Variants in ST3GAL3 observed in about 807,000 individuals in gnomAD.
ST3GAL3 encodes CMP-N-acetylneuraminate-beta-1,4-galactoside alpha-2,3-sialyltransferase.
In ST3GAL3, 21 loss-of-function variants were observed where a neutral mutation model predicts 50.1. The ratio of observed to expected loss-of-function variants is 0.42; its 90% CI spans 0.30 to 0.60. ST3GAL3 has a LOEUF of 0.60. ST3GAL3 is among the 20% of genes least tolerant of loss of function. The pLI is 0.19. For synonymous variants in ST3GAL3, 183 were observed against 190.0 expected, an observed-to-expected ratio of 0.96 and a Z score of 0.30; for missense variants, 353 against 489.4, an observed-to-expected ratio of 0.72 and a Z score of 2.63.
intron 5 of ST3GAL3, among the ~76,000 whole-genome samples, chr1:43,861,073 A>G (rs577151018): frequency 6.6e-6 from 1 of 152,258 alleles, no homozygotes; most frequent in Non-Finnish European, 1.5e-5. Flanking sequence ...ATGCTTTCTC[A>G]GCAAAGATGG....
At chr1:43,846,528 G>T (rs946865966) in intron 5 of ST3GAL3, among the ~76,000 whole-genome samples, 8 of 152,186 alleles carry the variant, frequency 5.3e-5, no homozygotes, top group African/African-American at 1.7e-4. Context: ...GAAGGAGCAT[G>T]TTTATATTTG....
chr1:43,733,666 T>A lies in ST3GAL3; in HGVS notation c.-30-2567T>A, dbSNP rs548530765. Among the ~76,000 whole-genome samples, 12 of 152,358 alleles carry A rather than the reference T, an allele frequency of 7.9e-5. No individual in the cohort carries two copies. The East Asian group carries it at 2.1e-3, about 27-fold the overall frequency. ...ATTCTCATCCCATTATTTTTCATTT[T>A]AAGAAATTTCTTGGCCCTTCTTGGG... On this transcript the variant is annotated intron_variant, in intron 1 of 11. Coordinates refer to ENST00000347631, the MANE Select transcript of ST3GAL3 (RefSeq NM_006279.5).
intron 4 of ST3GAL3, among the ~76,000 whole-genome samples, chr1:43,819,425 G>A (rs1359460547): frequency 6.6e-6 from 1 of 152,120 alleles, no homozygotes; most frequent in Non-Finnish European, 1.5e-5. Flanking sequence ...CATAAAATAT[G>A]CTCTTTGATT....
chr1:43,771,636 C>T lies in ST3GAL3; in HGVS notation c.119-20466C>T, dbSNP rs542654673. On this transcript the variant is annotated intron_variant, in intron 2 of 11. Transcript: ENST00000347631. ...CCTCCCAAAGTACTGGGATTACAGG[C>T]GTGAGCCACCGCGCCCGGCTGGGTG... is the stretch of plus-strand genomic sequence containing the variant. Among the ~76,000 whole-genome samples, 7 of 152,186 alleles carry T rather than the reference C, an allele frequency of 4.6e-5. No homozygotes were observed. In the East Asian group the frequency reaches 7.7e-4, roughly 17 times the overall value.
At chr1:43,836,092 G>C (rs2064285144) in intron 4 of ST3GAL3, among the ~76,000 whole-genome samples, 1 of 152,164 alleles carries the variant, frequency 6.6e-6, no homozygotes, top group African/African-American at 2.4e-5. Context: ...TAGGCCTTGT[G>C]TGTAAATTAA....
At chr1:43,848,496 G>T (rs2066685017) in intron 5 of ST3GAL3, among the ~76,000 whole-genome samples, 1 of 151,774 alleles carries the variant, frequency 6.6e-6, no homozygotes, top group Admixed American at 6.6e-5. Flanking sequence ...GTAGAGACGG[G>T]GTTTCACCAT....
At chr1:43,923,917 G>A (rs1373588651) in intron 11 of ST3GAL3, among the ~76,000 whole-genome samples, 5 of 151,968 alleles carry the variant, frequency 3.3e-5, no homozygotes, top group Admixed American at 2.0e-4. Flanking sequence ...ACCTGGCCCT[G>A]AGTCTTATAA....
intron 11 of ST3GAL3, among the ~76,000 whole-genome samples, chr1:43,926,387 C>T (rs901039704): frequency 9.2e-5 from 14 of 152,020 alleles, no homozygotes; most frequent in African/African-American, 7.3e-5. Context: ...TCGGGAGTTC[C>T]GAGACCAGCC....
At chr1:43,850,909 C>T in intron 5 of ST3GAL3, 1 of 1,234,834 alleles carries the variant, frequency 8.1e-7, no homozygotes, top group Non-Finnish European at 1.2e-6. Flanking sequence ...ATCTCTTTGC[C>T]AGTCTTGGGA....
At chr1:43,813,995 T>C (rs1170204402) in intron 3 of ST3GAL3, among the ~76,000 whole-genome samples, 2 of 152,136 alleles carry the variant, frequency 1.3e-5, no homozygotes, top group African/African-American at 4.8e-5. Flanking sequence ...ATTTTCCTTA[T>C]ACAAATGTTT....
rs565156688 is a variant in ST3GAL3 at position 43,780,488 on chromosome 1, C to T, written c.119-11614C>T. Among the ~76,000 whole-genome samples, 267 of 152,170 alleles carry T rather than the reference C, an allele frequency of 1.8e-3. 1 individual carries two copies. The highest frequency in any genetic ancestry group is 6.0e-3 in the African/African-American group (249 of 41,522). On this transcript the variant is annotated intron_variant, in intron 2 of 11. Transcript: ENST00000347631. ...GACAACTTTATTGAGTTATTCTTTT[C>T]AGCATTTTCTCCTTTTCATTTTTTC...
intron 9 of ST3GAL3, among the ~76,000 whole-genome samples, chr1:43,908,789 G>A (rs1401593113): frequency 2.0e-5 from 3 of 152,034 alleles, no homozygotes; most frequent in East Asian, 1.9e-4. Context: ...CTGCCACCAC[G>A]CCTGGCTAAT....
intron 3 of ST3GAL3, among the ~76,000 whole-genome samples, chr1:43,803,716 A>T (rs2059576160): frequency 6.6e-6 from 1 of 152,240 alleles, no homozygotes; most frequent in Non-Finnish European, 1.5e-5. Context: ...TATGACATCT[A>T]GACTGACTTA....
At chr1:43,830,233 C>G (rs925643386) in intron 4 of ST3GAL3, among the ~76,000 whole-genome samples, 1 of 151,934 alleles carries the variant, frequency 6.6e-6, no homozygotes, top group Admixed American at 6.6e-5. Context: ...GAGATAAGGT[C>G]TCCCTATGTT....
At chr1:43,773,882 G>T (rs1476533576) in intron 2 of ST3GAL3, among the ~76,000 whole-genome samples, 1 of 152,318 alleles carries the variant, frequency 6.6e-6, no homozygotes. Flanking sequence ...CTGATGTGAT[G>T]CAGTAAGAAA....
At chr1:43,907,629 A>AT (rs2080035995) in intron 9 of ST3GAL3, among the ~76,000 whole-genome samples, 1 of 152,058 alleles carries the variant, frequency 6.6e-6, no homozygotes, top group East Asian at 1.9e-4. Context: ...CTGCATCCCC[A>AT]TTCATCCCTG....
chr1:43,913,323 C>T (rs556975694), intron 9 of ST3GAL3: 2 of 152,338 alleles, frequency 1.3e-5, no homozygotes, highest in South Asian at 4.1e-4. Flanking sequence ...TGCTGTAAAA[C>T]GCACAGCATC....
At chr1:43,758,639 A>C (rs1689024287) in intron 2 of ST3GAL3, among the ~76,000 whole-genome samples, 1 of 152,196 alleles carries the variant, frequency 6.6e-6, no homozygotes, top group South Asian at 2.1e-4. Context: ...GTATGTTGAT[A>C]AACTTAGACT....
chr1:43,748,757 T>C (rs575518114), intron 2 of ST3GAL3, among the ~76,000 whole-genome samples: 1 of 152,170 alleles, frequency 6.6e-6, no homozygotes, highest in South Asian at 2.1e-4. Flanking sequence ...TTTGCAGAGA[T>C]GAGGTTTTGA....
Sources: gnomAD v4.1 joint callset for allele counts (sites outside exome capture counted in the v4.1 genomes callset) on GRCh38, gnomAD v4.1.1 for gene constraint, MANE v1.5 for transcripts, NCBI Gene and HGNC (gene_info 2026-07-23, HGNC 2026-07-21) for gene names.